The following ITGB4 variants were observed in gnomAD, a reference collection of about 807,000 sequenced individuals.
ITGB4 encodes integrin subunit beta 4.
Under a neutral mutation model 207.6 loss-of-function variants are expected in ITGB4, and 159 were observed. The observed-to-expected ratio is 0.77, with a 90% CI of 0.67 to 0.87. The LOEUF is 0.87. Ranked by LOEUF, ITGB4 falls within the 40% of genes least tolerant of loss-of-function variation. The probability of loss-of-function intolerance (pLI) is 0.00; values close to 1 mark genes in which losing one functional copy is unlikely to be tolerated. For synonymous variants in ITGB4, 1,020 were observed against 1,062.7 expected (o/e 0.96, Z 0.78); for missense variants, 2,278 against 2,546.8 (o/e 0.89, Z 2.27).
At chr17:75,746,512 T>G (rs1424229786) in intron 26 of ITGB4, 1 of 150,198 alleles carries the variant, frequency 6.7e-6, no homozygotes, top group Non-Finnish European at 1.5e-5. Context: ...ATTACAGGCA[T>G]CAGCCACCGC....
rs781590234 is a variant in ITGB4, at chr17:75,750,088, C to G, written c.3317-23C>G. 1 of 1,613,326 alleles carries G rather than the reference C, an allele frequency of 6.2e-7. No homozygotes were observed. The highest frequency in any genetic ancestry group is 8.5e-7 in the Non-Finnish European group (1 of 1,179,996). ...GGTGAAGGGGGATCTGAGTGGTTGC[C>G]CGGCCCCAACCTGACCCGTTAGATG... is the stretch of plus-strand genomic sequence containing the variant. On this transcript the variant is annotated intron_variant, in intron 27 of 39. Coordinates refer to ENST00000200181, the MANE Select transcript of ITGB4 (RefSeq NM_000213.5). This position sits in a 1 kb window ranked among gnomAD's most constrained non-coding sequence, Gnocchi z 5.5.
rs972322019 is a variant in ITGB4, at chr17:75,727,225, G to A, written c.110G>A (p.Ser37Asn). The change falls in exon 3 of 40, where the codon AGC (serine) becomes AAC (asparagine). Residue 37 changes from serine to asparagine, a missense_variant. By Grantham distance (46) the Ser-to-Asn change is conservative. Coordinates refer to ENST00000200181, the MANE Select transcript of ITGB4 (RefSeq NM_000213.5). The surrounding 1 kb of genome is among the most constrained non-coding windows in gnomAD (Gnocchi z 6.0). ...ANRCKKAPVK[S>N]CTECVRVDKD... ...CGCTGCAAGAAGGCCCCAGTGAAGAGCTGCACGGAGTGTGTCCGTGTGGAT... is the reference window on the plus strand; with the variant it reads ...CGCTGCAAGAAGGCCCCAGTGAAGAACTGCACGGAGTGTGTCCGTGTGGAT... The A allele has an allele frequency of 1.9e-6, 3 of 1,614,078 alleles. No individual in the cohort carries two copies. Among genetic ancestry groups the A allele is most frequent in the Non-Finnish European group, 2.5e-6 (3 of 1,179,986 alleles).
chr17:75,733,380 C>T (rs567221023), intron 12 of ITGB4, 110 bp from the exon 13 acceptor site: 58 of 881,524 alleles, frequency 6.6e-5, no homozygotes, highest in South Asian at 2.1e-4. Context: ...GGCGAGACTC[C>T]GTCTCAAAAA....
At chr17:75,753,684 A>G in intron 32 of ITGB4, 81 bp from the exon 33 acceptor site, 1 of 959,614 alleles carries the variant, frequency 1.0e-6, no homozygotes, top group Non-Finnish European at 1.4e-6. Flanking sequence ...CCCCTCGCAG[A>G]GCCTACGGCC....
At position 75,731,319 on chromosome 17, in the gene ITGB4, T is replaced by C; in HGVS notation, c.1166T>C (p.Met389Thr). The stretch of plus-strand genomic sequence containing the variant: ...CTTCGGACAGAGGTCACCTCCAAGA[T>C]GTTCCAGAAGACGAGGACTGGGTCC... The part of the protein sequence containing the change: ...RGLRTEVTSK[M>T]FQKTRTGSFH... The change falls in exon 10 of 40, where the codon ATG becomes ACG. Residue 389 changes from methionine (M) to threonine (T), a missense_variant. By Grantham distance (81) the Met-to-Thr change is moderately conservative (BLOSUM62 -1). Transcript: ENST00000200181. This position sits in a 1 kb window ranked among gnomAD's most constrained non-coding sequence, Gnocchi z 6.8. 6.2e-7 allele frequency: 1 copy of C among 1,613,262 alleles called. No homozygotes were observed. Among genetic ancestry groups the C allele is most frequent in the Non-Finnish European group, 8.5e-7 (1 of 1,179,924 alleles).
Position 75,756,962 on chromosome 17 carries a change from G to T in ITGB4, c.5073G>T (p.Arg1691=). ...AQGGGPATAF[R]VDGDSPESRL... The stretch of plus-strand genomic sequence containing the variant: ...GCTCAGGGCCAGCCACCGCATTCCG[G>T]GTGGATGGAGACAGCCCCGAGAGCC... Residue 1691 remains arginine, a synonymous_variant, in exon 38 of 40, where the codon CGG becomes CGT. Coordinates refer to ENST00000200181, the MANE Select transcript of ITGB4 (RefSeq NM_000213.5). 6.2e-7 allele frequency: 1 copy of T among 1,612,732 alleles called. No individual in the cohort carries two copies. Among genetic ancestry groups the T allele is most frequent in the Non-Finnish European group, 8.5e-7 (1 of 1,179,944 alleles).
Position 75,728,381 on chromosome 17 carries a change from G to T in ITGB4, c.474G>T (p.Arg158=). 6.2e-7 allele frequency: 1 copy of T among 1,613,958 alleles called. No homozygotes were observed. Among genetic ancestry groups the T allele is most frequent in the Non-Finnish European group, 8.5e-7 (1 of 1,179,918 alleles). The part of the protein sequence containing the change: ...NLKKMGQNLA[R]VLSQLTSDYT... The stretch of plus-strand genomic sequence containing the variant: ...CTCTGTCCTTTTGACATCCAGCTCG[G>T]GTCCTGAGCCAGCTCACCAGCGACT... The change falls in exon 6 of 40, where the codon CGG becomes CGT. Residue 158 remains arginine, a synonymous_variant. Transcript: ENST00000200181.
chr17:75,745,695 A>C (rs536812692), intron 26 of ITGB4, among the ~76,000 whole-genome samples: 1 of 152,174 alleles, frequency 6.6e-6, no homozygotes, highest in Admixed American at 6.5e-5. Context: ...CCTGGCCAAC[A>C]TGGTGAAACC....
chr17:75,748,065 C>G (rs2061271804), intron 26 of ITGB4, among the ~76,000 whole-genome samples: 1 of 152,048 alleles, frequency 6.6e-6, no homozygotes, highest in African/African-American at 2.4e-5. Context: ...CTCAGGCATG[C>G]TCCACGGCAC....
chr17:75,742,738 A>G lies in ITGB4; in HGVS notation c.2939A>G (p.Asn980Ser). 1 of 1,611,696 alleles carries G rather than the reference A, an allele frequency of 6.2e-7. No individual in the cohort carries two copies. Among genetic ancestry groups the G allele is most frequent in the South Asian group, 1.1e-5 (1 of 91,070 alleles). ...GTATLGRRLV[N>S]ITIIKEQARD... ...GCCACCCTCGGCCGCCGCCTGGTAA[A>G]CATCACCATCATCAAGGAGCAAGGT... The change falls in exon 25 of 40, where the codon AAC becomes AGC. Residue 980 changes from asparagine to serine, a missense_variant. By Grantham distance (46) the Asn-to-Ser change is conservative. Coordinates refer to ENST00000200181, the MANE Select transcript of ITGB4 (RefSeq NM_000213.5). This position sits in a 1 kb window ranked among gnomAD's most constrained non-coding sequence, Gnocchi z 5.9.
rs1025223867 is a variant in ITGB4, at chr17:75,740,694, C to T, written c.2551-99C>T. The T allele has an allele frequency of 4.2e-5, 58 of 1,366,338 alleles. No individual in the cohort carries two copies. Among genetic ancestry groups the T allele is most frequent in the Non-Finnish European group, 5.9e-5 (57 of 958,318 alleles). The allele number at this position is 1,366,338 out of a possible 1,614,324, so 84.6% of individuals were successfully genotyped here. A position where few individuals can be genotyped will look rare whatever the true frequency, so the allele number is the denominator to read the frequency against. On this transcript the variant is annotated intron_variant, in intron 21 of 39. Coordinates refer to ENST00000200181, the MANE Select transcript of ITGB4 (RefSeq NM_000213.5). The surrounding 1 kb of genome is among the most constrained non-coding windows in gnomAD (Gnocchi z 5.9). ...GCATGCCCCAGCCAACCCTGAGGAT[C>T]TCTGGGTACAGAGGCTGCCTGGCTC...
intron 25 of ITGB4, among the ~76,000 whole-genome samples, chr17:75,743,421 T>G (rs564536521): frequency 7.2e-5 from 11 of 152,256 alleles, no homozygotes; most frequent in African/African-American, 2.6e-4. Flanking sequence ...TTAGTAGAGA[T>G]GGGGTTTCGC....
At chr17:75,725,422 C>A (rs1418227301) in intron 2 of ITGB4, among the ~76,000 whole-genome samples, 1 of 152,184 alleles carries the variant, frequency 6.6e-6, no homozygotes, top group Non-Finnish European at 1.5e-5. Context: ...AAGCAATCCT[C>A]CCACCTTAGC....
In ITGB4 at chr17:75,727,152, G is replaced by A; in HGVS notation, c.80-43G>A. The A allele has an allele frequency of 1.3e-6, 2 of 1,568,932 alleles. No homozygotes were observed. Among genetic ancestry groups the A allele is most frequent in the East Asian group, 2.3e-5 (1 of 44,082 alleles). On this transcript the variant is annotated intron_variant, in intron 2 of 39. Coordinates refer to ENST00000200181, the MANE Select transcript of ITGB4 (RefSeq NM_000213.5). This position sits in a 1 kb window ranked among gnomAD's most constrained non-coding sequence, Gnocchi z 6.0. ...TGCAGGTGGGAAAGTGCTTGCCTTTGCTGAGCGCCTCCCCATTCATGTGCC... is the reference window on the plus strand; with the variant it reads ...TGCAGGTGGGAAAGTGCTTGCCTTTACTGAGCGCCTCCCCATTCATGTGCC...
chr17:75,753,849 C>G lies in ITGB4; in HGVS notation c.4193C>G (p.Pro1398Arg). The G allele has an allele frequency of 7.1e-7, 1 of 1,400,946 alleles. No homozygotes were observed. The highest frequency in any genetic ancestry group is 9.3e-7 in the Non-Finnish European group (1 of 1,075,502). 86.8% of individuals were successfully genotyped at this position (1,400,946 alleles called of 1,614,324 possible). The part of the protein sequence containing the change: ...VTWRLPPELI[P>R]RLSASSGRSS... ...TGGCGGCTGCCCCCGGAGCTCATCC[C>G]GCGCCTGTCGGCCAGCAGCGGGCGC... The change falls in exon 33 of 40, where the codon CCG (proline) becomes CGG (arginine). Residue 1398 changes from proline to arginine, a missense_variant. Physicochemically the swap from Pro to Arg is moderately radical, Grantham distance 103 (BLOSUM62 -2). Transcript: ENST00000200181.
At chr17:75,755,328 C>A (rs910465687) in intron 34 of ITGB4, 10 of 1,132,980 alleles carry the variant, frequency 8.8e-6, no homozygotes, top group Non-Finnish European at 1.2e-5. Context: ...TCCACAGGAC[C>A]CCCGCCTGCC....
chr17:75,753,922 G>T lies in ITGB4; in HGVS notation c.4266G>T (p.Ala1422=). The T allele has an allele frequency of 2.3e-6, 3 of 1,284,370 alleles. No individual in the cohort carries two copies. Among genetic ancestry groups the T allele is most frequent in the Admixed American group, 8.4e-5 (2 of 23,696 alleles). 79.6% of individuals were successfully genotyped at this position (1,284,370 alleles called of 1,614,324 possible). ...APHGPPDDGG[A]GGKGGSLPRS... ...ACGGGCCCCCGGACGACGGCGGCGCGGGCGGGAAGGGCGGCAGCCTGCCCC... is the reference window on the plus strand; with the variant it reads ...ACGGGCCCCCGGACGACGGCGGCGCTGGCGGGAAGGGCGGCAGCCTGCCCC... Residue 1422 remains alanine, a synonymous_variant, in exon 33 of 40, where the codon GCG becomes GCT. Transcript: ENST00000200181.
At chr17:75,724,805 C>T (rs1328465148) in intron 2 of ITGB4, 23 bp downstream of exon 2, 2 of 1,597,920 alleles carry the variant, frequency 1.3e-6, no homozygotes, top group East Asian at 2.2e-5. Context: ...TGCCCTGCAG[C>T]CCCCTCCTGG....
At chr17:75,757,363 G>C in intron 39 of ITGB4, 53 bp downstream of exon 39, 3 of 1,612,904 alleles carry the variant, frequency 1.9e-6, no homozygotes, top group Non-Finnish European at 2.5e-6. Context: ...GGAGCTAGCA[G>C]AGGGAGAAGG....
Sources: allele counts gnomAD v4.1 joint callset (sites outside exome capture counted in the v4.1 genomes callset), GRCh38; gene constraint gnomAD v4.1.1; non-coding constraint Gnocchi (gnomAD v3.1); transcripts MANE v1.5; gene names NCBI Gene and HGNC (gene_info 2026-07-23, HGNC 2026-07-21).